TRIM11: variants seen among roughly 807,000 people sequenced by gnomAD.
TRIM11 encodes E3 ubiquitin-protein ligase TRIM11.
Under a neutral mutation model 33.4 loss-of-function variants are expected in TRIM11, and 15 were observed. That is an observed-to-expected ratio of 0.45 (90% CI 0.30 to 0.69). TRIM11 has a LOEUF of 0.69. Among genes scored for constraint, TRIM11 ranks in the 30% least tolerant of loss-of-function variants. TRIM11 has a pLI of 0.08. For missense variants in TRIM11, 499 were observed against 667.6 expected (o/e 0.75, Z 2.78); for synonymous variants, 281 against 302.6 (o/e 0.93, Z 0.74).
intron 3 of TRIM11, chr1:228,397,404 C>A (rs762141090): frequency 2.6e-5 from 14 of 548,598 alleles, no homozygotes; most frequent in Non-Finnish European, 3.9e-5. Flanking sequence ...CCCAGCCCTG[C>A]GGACCAAGGC....
In TRIM11 at chr1:228,395,351, C is replaced by T. The variant is rs943840437; in HGVS notation, c.860-99G>A. ...TGTAGGTACAATCCTCCCAGTCGGA[C>T]GGCCTGGCTCTCTGCCCTGGGCCTG... is the stretch of plus-strand genomic sequence containing the variant. On this transcript the variant is annotated intron_variant, in intron 5 of 5. Coordinates refer to ENST00000284551, the MANE Select transcript of TRIM11 (RefSeq NM_145214.3). The surrounding 1 kb of genome is among the most constrained non-coding windows in gnomAD (Gnocchi z 4.8). The T allele has an allele frequency of 4.7e-5, 61 of 1,297,932 alleles. No individual in the cohort carries two copies. In the African/African-American group the frequency reaches 6.0e-4, roughly 13 times the overall value. 80.4% of individuals were successfully genotyped at this position (1,297,932 alleles called of 1,614,324 possible). A position where few individuals can be genotyped will look rare whatever the true frequency, so the allele number is the denominator to read the frequency against.
rs545021368 is a variant in TRIM11 at position 228,400,050 on chromosome 1, T to C, written c.735+914A>G. On this transcript the variant is annotated intron_variant, in intron 3 of 5. Coordinates refer to ENST00000284551, the MANE Select transcript of TRIM11 (RefSeq NM_145214.3). The surrounding 1 kb of genome is among the most constrained non-coding windows in gnomAD (Gnocchi z 4.5). Reference sequence around the variant, plus strand: ...AGCCGCCCAGCCACATCTGCAGCATTGTGGGCTCCACCTGGGTCTGGCAGC... The same window carrying C: ...AGCCGCCCAGCCACATCTGCAGCATCGTGGGCTCCACCTGGGTCTGGCAGC... Among the ~76,000 whole-genome samples the C allele has an allele frequency of 6.6e-6, 1 of 152,250 alleles. No individual in the cohort carries two copies. Among genetic ancestry groups the C allele is most frequent in the Non-Finnish European group, 1.5e-5 (1 of 68,012 alleles).
At chr1:228,396,909 C>T (rs935285284) in intron 5 of TRIM11, 38 bp downstream of exon 5, 2 of 1,600,286 alleles carry the variant, frequency 1.2e-6, no homozygotes, top group African/African-American at 2.7e-5. Context: ...CAGGTCCCCT[C>T]CTGGAGTCAT....
chr1:228,406,068 G>A lies in TRIM11; in HGVS notation c.408+86C>T. ...TAGACAGAGACAGATTACTCCCGGA[G>A]CAGTCCCCCAAACCTCCCACCCGCC... On this transcript the variant is annotated intron_variant, in intron 1 of 5. Transcript: ENST00000284551. This position sits in a 1 kb window ranked among gnomAD's most constrained non-coding sequence, Gnocchi z 8.2. 1 of 1,290,588 alleles carries A rather than the reference G, an allele frequency of 7.7e-7. No individual in the cohort carries two copies. Among genetic ancestry groups the A allele is most frequent in the Non-Finnish European group, 9.9e-7 (1 of 1,009,756 alleles). The allele number at this position is 1,290,588 out of a possible 1,614,324, so 79.9% of individuals were successfully genotyped here.
chr1:228,395,020 G>A lies in TRIM11; in HGVS notation c.1092C>T (p.Asn364=). Residue 364 remains asparagine, a synonymous_variant, in exon 6 of 6, where the codon AAC becomes AAT. Coordinates refer to ENST00000284551, the MANE Select transcript of TRIM11 (RefSeq NM_145214.3). The surrounding 1 kb of genome is among the most constrained non-coding windows in gnomAD (Gnocchi z 4.8). ...WALGVCRENV[N]RKEKGELSAG... Reference sequence around the variant, plus strand: ...CGGACAGCTCGCCCTTCTCCTTCCTGTTCACGTTCTCCCTGCACACCCCCA... The same window carrying A: ...CGGACAGCTCGCCCTTCTCCTTCCTATTCACGTTCTCCCTGCACACCCCCA... The A allele has an allele frequency of 6.2e-7, 1 of 1,614,088 alleles. No individual in the cohort carries two copies. Among genetic ancestry groups the A allele is most frequent in the Non-Finnish European group, 8.5e-7 (1 of 1,180,000 alleles).
chr1:228,401,918 TG>T lies in TRIM11; in HGVS notation c.504+147del, dbSNP rs1656240175. 3 of 527,270 alleles carry T rather than the reference TG, an allele frequency of 5.7e-6. No individual in the cohort carries two copies. Among genetic ancestry groups the T allele is most frequent in the Non-Finnish European group, 3.2e-6 (1 of 313,328 alleles). The allele number at this position is 527,270 out of a possible 1,614,324, so 32.7% of individuals were successfully genotyped here. The stretch of plus-strand genomic sequence containing the variant: ...ACGTGGGAAAGGACCAGCCCTTCAG[TG>T]GGCTCGGTGGGGCCAGGCTGAAGCA... On this transcript the variant is annotated intron_variant, in intron 2 of 5. Coordinates refer to ENST00000284551, the MANE Select transcript of TRIM11 (RefSeq NM_145214.3). This position sits in a 1 kb window ranked among gnomAD's most constrained non-coding sequence, Gnocchi z 6.1.
intron 1 of TRIM11, chr1:228,405,858 T>C (rs1475169550): frequency 1.2e-5 from 4 of 347,272 alleles, no homozygotes; most frequent in Non-Finnish European, 2.1e-5. Flanking sequence ...CCTTCCACCT[T>C]CCTCTCTTAG....
rs551680181 is a variant in TRIM11 at position 228,399,325 on chromosome 1, G to A, written c.735+1639C>T. ...ATGCAGGCCATGTGCTGGCAGGTTG[G>A]GGGGACAGGAGGGACCTCCCTGAAG... On this transcript the variant is annotated intron_variant, in intron 3 of 5. Coordinates refer to ENST00000284551, the MANE Select transcript of TRIM11 (RefSeq NM_145214.3). Among the ~76,000 whole-genome samples, 5 of 152,298 alleles carry A rather than the reference G, an allele frequency of 3.3e-5. No individual in the cohort carries two copies. The South Asian group carries it at 1.0e-3, about 32-fold the overall frequency.
In TRIM11 at chr1:228,401,854, G is replaced by A. The variant is rs886134409; in HGVS notation, c.504+212C>T. Among the ~76,000 whole-genome samples, 2 of 152,162 alleles carry A rather than the reference G, an allele frequency of 1.3e-5. No individual in the cohort carries two copies. The highest frequency in any genetic ancestry group is 4.8e-5 in the African/African-American group (2 of 41,422). On this transcript the variant is annotated intron_variant, in intron 2 of 5. Coordinates refer to ENST00000284551, the MANE Select transcript of TRIM11 (RefSeq NM_145214.3). The surrounding 1 kb of genome is among the most constrained non-coding windows in gnomAD (Gnocchi z 6.1). ...GGGACCCCAGGATGGGGCCCTTGCA[G>A]TATGGGAGCCCACGCCCACGACCTG...
Position 228,401,149 on chromosome 1 carries a change from G to T in TRIM11, c.550C>A (p.Arg184Ser), listed in dbSNP as rs752798123. ...QRQNVLGEFE[R>S]LRRLLAEEEQ... is the part of the protein sequence containing the mutation. ...TCCTCTGCCAGCAAACGGCGAAGAC[G>T]CTCGAACTCACCCAGCACGTTCTGC... Residue 184 changes from arginine to serine, a missense_variant, in exon 3 of 6, where the codon CGT becomes AGT. Physicochemically the swap from Arg to Ser is moderately radical, Grantham distance 110. Coordinates refer to ENST00000284551, the MANE Select transcript of TRIM11 (RefSeq NM_145214.3). The surrounding 1 kb of genome is among the most constrained non-coding windows in gnomAD (Gnocchi z 6.1). The T allele has an allele frequency of 3.2e-5, 51 of 1,613,444 alleles. No individual in the cohort carries two copies. The highest frequency in any genetic ancestry group is 4.3e-5 in the Non-Finnish European group (51 of 1,179,926).
chr1:228,397,461 A>T (rs2149090948), intron 3 of TRIM11: 1 of 445,208 alleles, frequency 2.2e-6, no homozygotes, highest in African/African-American at 2.0e-5. Flanking sequence ...CTGTTGGCTC[A>T]CTCACCCAGA....
Position 228,402,145 on chromosome 1 carries a change from G to A in TRIM11, c.425C>T (p.Ser142Leu). Residue 142 changes from serine (S) to leucine (L), a missense_variant, in exon 2 of 6, where the codon TCA becomes TTA. Transcript: ENST00000284551. ...CATCTGCTTCCGGAGATGCTCCAGTGACTTCTCCAGCTTCGCCTGCGGGAG... is the reference window on the plus strand; with the variant it reads ...CATCTGCTTCCGGAGATGCTCCAGTAACTTCTCCAGCTTCGCCTGCGGGAG... ...AEDLKAKLEK[S>L]LEHLRKQMQD... The A allele has an allele frequency of 6.2e-7, 1 of 1,612,536 alleles. No homozygotes were observed. The highest frequency in any genetic ancestry group is 8.5e-7 in the Non-Finnish European group (1 of 1,179,250).
rs182093109 is a variant in TRIM11, at chr1:228,400,741, T to C, written c.735+223A>G. ...AACTGTTTACATCTACAGAGGAAAA[T>C]TGATTTTCCCTTTCTCGGCACGTGG... On this transcript the variant is annotated intron_variant, in intron 3 of 5. Coordinates refer to ENST00000284551, the MANE Select transcript of TRIM11 (RefSeq NM_145214.3). This position sits in a 1 kb window ranked among gnomAD's most constrained non-coding sequence, Gnocchi z 4.5. 7.9e-4 allele frequency among the ~76,000 whole-genome samples: 120 copies of C among 152,252 alleles called. 1 individual carries two copies. The East Asian group carries it at 0.01, about 13-fold the overall frequency.
At chr1:228,405,974 C>T in intron 1 of TRIM11, 180 bp downstream of exon 1, 4 of 644,774 alleles carry the variant, frequency 6.2e-6, no homozygotes, top group Non-Finnish European at 9.1e-6. Context: ...TGTCATGAGC[C>T]CCCACAGCCA....
rs891187852 is a variant in TRIM11, at chr1:228,403,384, T to A, written c.409-1223A>T. ...AGCCCAGCTGCCTGGCTCCAGGTGC[T>A]CACTTTAGTTCACCACTTGGCCTCA... On this transcript the variant is annotated intron_variant, in intron 1 of 5. Coordinates refer to ENST00000284551, the MANE Select transcript of TRIM11 (RefSeq NM_145214.3). The surrounding 1 kb of genome is among the most constrained non-coding windows in gnomAD (Gnocchi z 4.8). The A allele has an allele frequency of 1.2e-4, 18 of 151,978 alleles. 1 individual carries two copies. Among genetic ancestry groups the A allele is most frequent in the South Asian group, 6.2e-4 (3 of 4,832 alleles). 9.4% of individuals were successfully genotyped at this position (151,978 alleles called of 1,614,324 possible). A position where few individuals can be genotyped will look rare whatever the true frequency, so the allele number is the denominator to read the frequency against.
In TRIM11 at chr1:228,402,134, G is replaced by C. The variant is rs1466088661; in HGVS notation, c.436C>G (p.Leu146Val). 3.7e-6 allele frequency: 6 copies of C among 1,612,992 alleles called. No individual in the cohort carries two copies. The stretch of plus-strand genomic sequence containing the variant: ...AACGCATCCTGCATCTGCTTCCGGA[G>C]ATGCTCCAGTGACTTCTCCAGCTTC... ...KAKLEKSLEH[L>V]RKQMQDALLF... The change falls in exon 2 of 6, where the codon CTC (leucine) becomes GTC (valine). Residue 146 changes from leucine (L) to valine (V), a missense_variant. By Grantham distance (32) the Leu-to-Val change is conservative. Coordinates refer to ENST00000284551, the MANE Select transcript of TRIM11 (RefSeq NM_145214.3).
intron 3 of TRIM11, among the ~76,000 whole-genome samples, chr1:228,398,895 AG>A (rs938109567): frequency 2.0e-5 from 3 of 152,044 alleles, no homozygotes; most frequent in African/African-American, 7.2e-5. Flanking sequence ...TTGGGGGTAG[AG>A]GAGAACCTTG....
chr1:228,396,392 A>C, intron 5 of TRIM11: 1 of 480,566 alleles, frequency 2.1e-6, no homozygotes. Flanking sequence ...AGGTGCTGGG[A>C]AGGTGCACCC....
chr1:228,404,455 C>A (rs1043934707), intron 1 of TRIM11: 7 of 152,276 alleles, frequency 4.6e-5, no homozygotes, highest in African/African-American at 1.7e-4. Context: ...TTTCTAGGCC[C>A]ATGGGGGCAG....
Sources: gnomAD v4.1 joint callset for allele counts (sites outside exome capture counted in the v4.1 genomes callset) on GRCh38, gnomAD v4.1.1 for gene constraint, Gnocchi (gnomAD v3.1) non-coding constraint, MANE v1.5 for transcripts, NCBI Gene and HGNC (gene_info 2026-07-23, HGNC 2026-07-21) for gene names.